The following IL31RA variants were observed in gnomAD, a reference collection of about 807,000 sequenced individuals.
IL31RA encodes interleukin-31 receptor subunit alpha.
A neutral mutation model predicts 83.7 loss-of-function variants in IL31RA; 66 were observed. That is an observed-to-expected ratio of 0.79 (90% CI 0.65 to 0.97). The LOEUF (loss-of-function observed/expected upper bound fraction) is 0.97. Among genes scored for constraint, IL31RA ranks in the 50% least tolerant of loss-of-function variants. The pLI, the probability that IL31RA is intolerant of heterozygous loss-of-function variation, is 0.00. For missense variants in IL31RA, 798 were observed against 919.4 expected (o/e 0.87, Z 1.71); for synonymous variants, 325 against 329.0 (o/e 0.99, Z 0.13).
At position 55,922,797 on chromosome 5, in the gene IL31RA, T is replaced by A. The variant is rs200058526; in HGVS notation, c.*5677T>A. The A allele has an allele frequency of 9.8e-6, 2 of 204,242 alleles. No individual in the cohort carries two copies. The highest frequency in any genetic ancestry group is 2.4e-4 in the East Asian group (2 of 8,324). 12.7% of individuals were successfully genotyped at this position (204,242 alleles called of 1,614,324 possible). On this transcript the variant is annotated 3_prime_UTR_variant, in exon 15 of 15. Coordinates refer to ENST00000652347, the MANE Select transcript of IL31RA (RefSeq NM_139017.7). The stretch of plus-strand genomic sequence containing the variant: ...TACTATTTTCATGTAATACTATACT[T>A]CTATACTATTTTCATGTAATACTAT...
chr5:55,914,986 T>G, intron 14 of IL31RA, 58 bp downstream of exon 14: 1 of 1,283,680 alleles, frequency 7.8e-7, no homozygotes, highest in Admixed American at 1.7e-5. Context: ...ACGAGGTGAA[T>G]GGAGATGGGG....
upstream of IL31RA, among the ~76,000 whole-genome samples, chr5:55,847,050 C>T (rs1368941938): frequency 6.7e-6 from 1 of 149,330 alleles, no homozygotes; most frequent in Non-Finnish European, 1.5e-5. Flanking sequence ...TGAGACCAGC[C>T]TGGCCAACAT....
intron 2 of IL31RA, among the ~76,000 whole-genome samples, chr5:55,867,322 T>TGC (rs1561543962): frequency 3.4e-5 from 4 of 117,560 alleles, no homozygotes; most frequent in South Asian, 5.7e-4. Flanking sequence ...TGTGTGCGTG[T>TGC]GTGTGTGTGT....
chr5:55,918,036 C>G lies in IL31RA; in HGVS notation c.*916C>G, dbSNP rs1458352921. 6.6e-6 allele frequency among the ~76,000 whole-genome samples: 1 copy of G among 152,216 alleles called. No individual in the cohort carries two copies. Among genetic ancestry groups the G allele is most frequent in the Non-Finnish European group, 1.5e-5 (1 of 68,044 alleles). On this transcript the variant is annotated 3_prime_UTR_variant, in exon 15 of 15. Transcript: ENST00000652347. ...CATGCAATGCCTAGCAAATTTGCAG[C>G]CCCAACAGGAGGACTTCTGCTCCTT...
intron 6 of IL31RA, among the ~76,000 whole-genome samples, chr5:55,893,140 A>G (rs926680142): frequency 6.6e-6 from 1 of 152,234 alleles, no homozygotes; most frequent in Non-Finnish European, 1.5e-5. Flanking sequence ...TTACTTACCT[A>G]TATTTAGGCA....
chr5:55,920,891 C>T lies in IL31RA; in HGVS notation c.*3771C>T, dbSNP rs1391300134. 6.6e-6 allele frequency among the ~76,000 whole-genome samples: 1 copy of T among 152,146 alleles called. No individual in the cohort carries two copies. The highest frequency in any genetic ancestry group is 2.4e-5 in the African/African-American group (1 of 41,432). On this transcript the variant is annotated 3_prime_UTR_variant, in exon 15 of 15. Coordinates refer to ENST00000652347, the MANE Select transcript of IL31RA (RefSeq NM_139017.7). Reference sequence around the variant, plus strand: ...AACAGGAGTGATTTTGACCCCCAGCCTCCAAACCTCAGACATTTGGTGATG... The same window carrying T: ...AACAGGAGTGATTTTGACCCCCAGCTTCCAAACCTCAGACATTTGGTGATG...
chr5:55,850,589 G>A (rs907226954), upstream of IL31RA, among the ~76,000 whole-genome samples: 3 of 151,986 alleles, frequency 2.0e-5, no homozygotes, highest in Non-Finnish European at 4.4e-5. Context: ...TTTCTGCATT[G>A]CCTTTCTTTC....
At position 55,919,185 on chromosome 5, in the gene IL31RA, C is replaced by A. The variant is rs1231305967; in HGVS notation, c.*2065C>A. Among the ~76,000 whole-genome samples, 13 of 152,088 alleles carry A rather than the reference C, an allele frequency of 8.5e-5. No homozygotes were observed. Among genetic ancestry groups the A allele is most frequent in the African/African-American group, 3.1e-4 (13 of 41,420 alleles). ...CGAGGATGGGGGAGGGCACGGGTAC[C>A]CCCACAGCTGTTCTTTCAACCCTCC... On this transcript the variant is annotated 3_prime_UTR_variant, in exon 15 of 15. Coordinates refer to ENST00000652347, the MANE Select transcript of IL31RA (RefSeq NM_139017.7).
chr5:55,847,955 A>G (rs916967240), upstream of IL31RA, among the ~76,000 whole-genome samples: 1 of 152,196 alleles, frequency 6.6e-6, no homozygotes, highest in Non-Finnish European at 1.5e-5. Context: ...TGTTTTCCTC[A>G]TTACTAGACT....
In IL31RA at chr5:55,883,210, T is replaced by C. The variant is rs749904300; in HGVS notation, c.606+15T>C. ...GTACCAGCTGGGTAAGTTATGCCAT[T>C]ATAATAATATTCCAATTAGAGGCCC... is the stretch of plus-strand genomic sequence containing the variant. On this transcript the variant is annotated intron_variant, in intron 5 of 14. Transcript: ENST00000652347. 7 of 1,600,812 alleles carry C rather than the reference T, an allele frequency of 4.4e-6. No homozygotes were observed. In the East Asian group the frequency reaches 1.1e-4, roughly 25 times the overall value.
At chr5:55,849,956 G>A (rs1238732103), upstream of IL31RA, among the ~76,000 whole-genome samples, 4 of 152,162 alleles carry the variant, frequency 2.6e-5, no homozygotes, top group Non-Finnish European at 5.9e-5. Context: ...TTTCAAGAAC[G>A]TTGTTTTACC....
At chr5:55,883,017 T>C (rs1395128803) in intron 4 of IL31RA, 27 bp from the exon 5 acceptor site, 1 of 1,610,598 alleles carries the variant, frequency 6.2e-7, no homozygotes, top group African/African-American at 1.3e-5. Flanking sequence ...TTTGCAGATA[T>C]GAGAGTTGTA....
intron 14 of IL31RA, 70 bp downstream of exon 14, chr5:55,914,998 AAG>A: frequency 8.5e-7 from 1 of 1,175,938 alleles, no homozygotes; most frequent in East Asian, 2.3e-5. Flanking sequence ...GAGATGGGGA[AAG>A]AGTCCTAGGC....
intron 9 of IL31RA, among the ~76,000 whole-genome samples, chr5:55,906,724 G>A (rs1458831128): frequency 2.6e-5 from 4 of 152,134 alleles, no homozygotes; most frequent in African/African-American, 9.7e-5. Flanking sequence ...CGTAAGATAT[G>A]CGAGTGAGGC....
chr5:55,904,835 C>CTTTTT (rs10651049), intron 8 of IL31RA, among the ~76,000 whole-genome samples: 2 of 132,892 alleles, frequency 1.5e-5, no homozygotes, highest in Non-Finnish European at 3.2e-5. Flanking sequence ...TTTTGGGTTT[C>CTTTTT]TTTTTTTTTT....
rs1749914465 is a variant in IL31RA at position 55,918,396 on chromosome 5, A to T, written c.*1276A>T. Among the ~76,000 whole-genome samples the T allele has an allele frequency of 1.3e-5, 2 of 152,200 alleles. No homozygotes were observed. The highest frequency in any genetic ancestry group is 1.3e-4 in the Admixed American group (2 of 15,276). On this transcript the variant is annotated 3_prime_UTR_variant, in exon 15 of 15. Transcript: ENST00000652347. ...ACTCAGGTGTGCAAAACATCACTTT[A>T]CTTTCCTAAAACTAAAATTAATTGC...
chr5:55,869,433 C>T (rs1480083228), intron 3 of IL31RA, among the ~76,000 whole-genome samples: 2 of 152,004 alleles, frequency 1.3e-5, no homozygotes, highest in African/African-American at 2.4e-5. Flanking sequence ...AATTATTATT[C>T]TAGCCAAAAG....
chr5:55,878,379 C>T (rs1746986566), intron 4 of IL31RA, among the ~76,000 whole-genome samples: 1 of 152,096 alleles, frequency 6.6e-6, no homozygotes, highest in South Asian at 2.1e-4. Context: ...GTTTTGTTTA[C>T]TTAAATGGGC....
At chr5:55,846,408 G>A (rs1375969309), upstream of IL31RA, among the ~76,000 whole-genome samples, 2 of 152,152 alleles carry the variant, frequency 1.3e-5, no homozygotes, top group African/African-American at 2.4e-5. Flanking sequence ...TAATATTTCT[G>A]TACATTTTAA....
Sources: allele counts gnomAD v4.1 joint callset (sites outside exome capture counted in the v4.1 genomes callset), GRCh38; gene constraint gnomAD v4.1.1; transcripts MANE v1.5; gene names NCBI Gene and HGNC (gene_info 2026-07-23, HGNC 2026-07-21).